Variants in ASTN2 observed in about 807,000 individuals in gnomAD.
ASTN2 encodes astrotactin-2.
A neutral mutation model predicts 139.8 loss-of-function variants in ASTN2; 54 were observed. That is an observed-to-expected ratio of 0.39 (90% CI 0.31 to 0.48). The LOEUF is 0.48. ASTN2 is among the 20% of genes least tolerant of loss of function. The pLI is 0.95. For missense variants in ASTN2, 1,565 were observed against 1,725.1 expected (o/e 0.91, Z 1.64); for synonymous variants, 756 against 719.5 (o/e 1.05, Z -0.81).
chr9:116,528,831 C>A (rs1249190440), intron 19 of ASTN2, among the ~76,000 whole-genome samples: 1 of 152,162 alleles, frequency 6.6e-6, no homozygotes. Context: ...GGTGCAAGCC[C>A]CACGTCTTGG....
chr9:116,976,369 T>C (rs1836342043), intron 8 of ASTN2, among the ~76,000 whole-genome samples, 181 bp from the exon 9 acceptor site: 1 of 152,252 alleles, frequency 6.6e-6, no homozygotes, highest in South Asian at 2.1e-4. Context: ...AGCACTTTCA[T>C]AAAGTATGCA....
At chr9:117,363,492 A>G (rs1470720366) in intron 1 of ASTN2, among the ~76,000 whole-genome samples, 2 of 152,290 alleles carry the variant, frequency 1.3e-5, no homozygotes, top group East Asian at 3.9e-4. Flanking sequence ...GACTAACTCC[A>G]TTCTAACCTC....
intron 19 of ASTN2, among the ~76,000 whole-genome samples, chr9:116,578,564 C>G (rs1336398709): frequency 2.0e-5 from 3 of 150,346 alleles, no homozygotes; most frequent in Admixed American, 1.3e-4. Context: ...TGTCTACAAC[C>G]ATGTAAATAG....
intron 5 of ASTN2, among the ~76,000 whole-genome samples, chr9:117,049,490 G>T (rs920508911): frequency 6.6e-6 from 1 of 152,146 alleles, no homozygotes; most frequent in Non-Finnish European, 1.5e-5. Context: ...TTATACAAAG[G>T]TTGTAAATAA....
At chr9:116,985,683 C>G (rs1434925279) in intron 7 of ASTN2, among the ~76,000 whole-genome samples, 1 of 152,230 alleles carries the variant, frequency 6.6e-6, no homozygotes, top group East Asian at 1.9e-4. Flanking sequence ...AGAAATCTCA[C>G]TAACAGCCTG....
At chr9:117,330,206 G>C (rs572267609) in intron 1 of ASTN2, among the ~76,000 whole-genome samples, 24 of 152,230 alleles carry the variant, frequency 1.6e-4, no homozygotes, top group African/African-American at 5.1e-4. Context: ...CTCCCACCAG[G>C]ACACTCCAGA....
intron 1 of ASTN2, among the ~76,000 whole-genome samples, chr9:117,395,710 A>G (rs1830658249): frequency 6.6e-6 from 1 of 151,998 alleles, no homozygotes; most frequent in African/African-American, 2.4e-5. Context: ...TTGTGAATTT[A>G]GATAATCTGG....
rs150198980 is a variant in ASTN2 at position 117,328,054 on chromosome 9, G to C, written c.443-36541C>G. Among the ~76,000 whole-genome samples the C allele has an allele frequency of 8.7e-3, 1,319 of 152,262 alleles. 14 individuals are homozygous for C. Among genetic ancestry groups the C allele is most frequent in the African/African-American group, 0.03 (1,244 of 41,540 alleles). On this transcript the variant is annotated intron_variant, in intron 1 of 22. Coordinates refer to ENST00000313400, the MANE Select transcript of ASTN2 (RefSeq NM_001365068.1). The stretch of plus-strand genomic sequence containing the variant: ...AAAGGCATGGATAGGAGAGAAGAGG[G>C]CTGTGGAATGAAAAGATTTCTGATT...
intron 2 of ASTN2, among the ~76,000 whole-genome samples, chr9:117,264,676 T>C (rs1294988737): frequency 6.6e-6 from 1 of 152,196 alleles, no homozygotes; most frequent in African/African-American, 2.4e-5. Context: ...GTCTTCCCCA[T>C]ATTCTCGGCT....
intron 13 of ASTN2, among the ~76,000 whole-genome samples, chr9:116,779,457 G>A (rs1409708435): frequency 6.6e-6 from 1 of 150,996 alleles, no homozygotes; most frequent in Non-Finnish European, 1.5e-5. Context: ...CCAGGAGCAT[G>A]AAAAAATAAA....
chr9:116,771,596 G>T (rs2132186134), intron 13 of ASTN2, among the ~76,000 whole-genome samples: 1 of 152,320 alleles, frequency 6.6e-6, no homozygotes, highest in African/African-American at 2.4e-5. Context: ...ATGAATGAAT[G>T]AATCTAATTC....
rs144909101 is a variant in ASTN2 at position 117,257,673 on chromosome 9, G to A, written c.630+33653C>T. 1.8e-3 allele frequency among the ~76,000 whole-genome samples: 276 copies of A among 152,312 alleles called. 1 individual carries two copies. Among genetic ancestry groups the A allele is most frequent in the African/African-American group, 6.3e-3 (262 of 41,568 alleles). On this transcript the variant is annotated intron_variant, in intron 2 of 22. Transcript: ENST00000313400. Reference sequence around the variant, plus strand: ...TGAAGTGAGAATCAGAGGACACAGAGGAAAAATAGAGATGCTGAATGTTGG... The same window carrying A: ...TGAAGTGAGAATCAGAGGACACAGAAGAAAAATAGAGATGCTGAATGTTGG...
chr9:116,823,136 G>A (rs1831535384), intron 11 of ASTN2, among the ~76,000 whole-genome samples: 1 of 152,206 alleles, frequency 6.6e-6, no homozygotes, highest in Non-Finnish European at 1.5e-5. Context: ...CTGGCCTCCA[G>A]CACTAGGAGA....
At chr9:117,211,532 G>A (rs532087211) in intron 3 of ASTN2, among the ~76,000 whole-genome samples, 1 of 152,160 alleles carries the variant, frequency 6.6e-6, no homozygotes, top group African/African-American at 2.4e-5. Context: ...CTTCCCTGTC[G>A]CTCTTTTGCC....
At chr9:117,015,685 A>C (rs1395180703) in intron 6 of ASTN2, among the ~76,000 whole-genome samples, 1 of 152,200 alleles carries the variant, frequency 6.6e-6, no homozygotes, top group African/African-American at 2.4e-5. Flanking sequence ...AAAGCGAAGA[A>C]AGAAGCTAAG....
chr9:117,218,708 T>G (rs1237168832), intron 2 of ASTN2, among the ~76,000 whole-genome samples: 2 of 152,244 alleles, frequency 1.3e-5, no homozygotes, highest in African/African-American at 4.8e-5. Context: ...GACCTTCAGT[T>G]TATTAATCAG....
intron 17 of ASTN2, among the ~76,000 whole-genome samples, chr9:116,639,959 C>T (rs1857251568): frequency 6.6e-6 from 1 of 152,066 alleles, no homozygotes; most frequent in Admixed American, 6.6e-5. Flanking sequence ...TATTGAATTT[C>T]TACTATGCAT....
intron 19 of ASTN2, chr9:116,586,141 A>C (rs1363714779): frequency 6.6e-6 from 1 of 152,242 alleles, no homozygotes; most frequent in Admixed American, 6.5e-5. Flanking sequence ...AAAAGTCAAA[A>C]AACAACAGAT....
intron 10 of ASTN2, among the ~76,000 whole-genome samples, chr9:116,891,216 G>T (rs1833754691): frequency 1.3e-5 from 2 of 152,142 alleles, no homozygotes; most frequent in Non-Finnish European, 2.9e-5. Flanking sequence ...ATTAACTTGG[G>T]CAGGAAAAAT....
Sources: gnomAD v4.1 joint callset for allele counts (sites outside exome capture counted in the v4.1 genomes callset) on GRCh38, gnomAD v4.1.1 for gene constraint, MANE v1.5 for transcripts, NCBI Gene and HGNC (gene_info 2026-07-23, HGNC 2026-07-21) for gene names.